The following MAP3K4 variants were observed in gnomAD, a reference collection of about 807,000 sequenced individuals.
MAP3K4 encodes the protein MAP three kinase 1.
Under a neutral mutation model 185.6 loss-of-function variants are expected in MAP3K4, and 67 were observed. The observed-to-expected ratio is 0.36, with a 90% CI of 0.30 to 0.44. The LOEUF is 0.44. Ranked by LOEUF, MAP3K4 falls within the 20% of genes least tolerant of loss-of-function variation. The pLI, the probability that MAP3K4 is intolerant of heterozygous loss-of-function variation, is 1.00. For missense variants in MAP3K4, 1,551 were observed against 1,995.1 expected (o/e 0.78, Z 4.24); for synonymous variants, 702 against 710.4 (o/e 0.99, Z 0.19).
rs1562553458 is a variant in MAP3K4, at chr6:161,117,141, C to CG, written c.*272dup. The CG allele has an allele frequency of 2.3e-6, 1 of 442,870 alleles. No individual in the cohort carries two copies. Among genetic ancestry groups the CG allele is most frequent in the Non-Finnish European group, 4.0e-6 (1 of 248,556 alleles). The allele number at this position is 442,870 out of a possible 1,614,324, so 27.4% of individuals were successfully genotyped here. ...CATCGCCTCTGTCTCCTCCGTGTCTCGCGCGACTGAGAACCGTGACATCAG... is the reference window on the plus strand; with the variant it reads ...CATCGCCTCTGTCTCCTCCGTGTCTCGGCGCGACTGAGAACCGTGACATCAG... On this transcript the variant is annotated 3_prime_UTR_variant, in exon 27 of 27. Coordinates refer to ENST00000392142, the MANE Select transcript of MAP3K4 (RefSeq NM_005922.4).
In MAP3K4 at chr6:161,070,506, A is replaced by C; in HGVS notation, c.1708-102A>C. 1 of 837,880 alleles carries C rather than the reference A, an allele frequency of 1.2e-6. No homozygotes were observed. Among genetic ancestry groups the C allele is most frequent in the Non-Finnish European group, 1.8e-6 (1 of 565,612 alleles). 51.9% of individuals were successfully genotyped at this position (837,880 alleles called of 1,614,324 possible). On this transcript the variant is annotated intron_variant, in intron 3 of 26. Coordinates refer to ENST00000392142, the MANE Select transcript of MAP3K4 (RefSeq NM_005922.4). The surrounding 1 kb of genome is among the most constrained non-coding windows in gnomAD (Gnocchi z 4.5). ...TTCCCTGTAAAATTAGAATTTTTGT[A>C]GATTTGTTAGCACATTGTAGAGAAT... is the stretch of plus-strand genomic sequence containing the variant.
chr6:161,116,892 G>T lies in MAP3K4; in HGVS notation c.*22G>T. On this transcript the variant is annotated 3_prime_UTR_variant, in exon 27 of 27. Transcript: ENST00000392142. The surrounding 1 kb of genome is among the most constrained non-coding windows in gnomAD (Gnocchi z 6.2). ...ATGAAGCCTAGTAGAATATGGACTT[G>T]GAAAATTCTCTTAATCACTACTGTA... 1.9e-6 allele frequency: 3 copies of T among 1,609,550 alleles called. No individual in the cohort carries two copies. The highest frequency in any genetic ancestry group is 2.6e-6 in the Non-Finnish European group (3 of 1,175,832).
chr6:160,992,817 ATT>A (rs555062555), intron 1 of MAP3K4, among the ~76,000 whole-genome samples: 7 of 149,288 alleles, frequency 4.7e-5, no homozygotes, highest in Admixed American at 2.7e-4. Flanking sequence ...TTATGTCTTT[ATT>A]TTTTTTTTAA....
At chr6:161,003,449 A>G (rs1357738936) in intron 1 of MAP3K4, among the ~76,000 whole-genome samples, 4 of 152,226 alleles carry the variant, frequency 2.6e-5, no homozygotes, top group Middle Eastern at 6.3e-3. Flanking sequence ...TAGCAGTCTC[A>G]TGAATTTATC....
At chr6:161,065,183 G>C (rs1784653101) in intron 3 of MAP3K4, among the ~76,000 whole-genome samples, 2 of 152,166 alleles carry the variant, frequency 1.3e-5, no homozygotes, top group African/African-American at 2.4e-5. Context: ...ACTGCACCCT[G>C]TGTCAAGGGT....
At position 161,017,698 on chromosome 6, in the gene MAP3K4, C is replaced by T. The variant is rs1408659547; in HGVS notation, c.153-16561C>T. Among the ~76,000 whole-genome samples, 1 of 152,108 alleles carries T rather than the reference C, an allele frequency of 6.6e-6. No individual in the cohort carries two copies. The highest frequency in any genetic ancestry group is 1.9e-4 in the East Asian group (1 of 5,200). On this transcript the variant is annotated intron_variant, in intron 1 of 26. Transcript: ENST00000392142. This position sits in a 1 kb window ranked among gnomAD's most constrained non-coding sequence, Gnocchi z 5.1. ...TTTTTGCCTTTTTATGTAAAGTAAA[C>T]ATAAACATATACATATTTTTGAACA...
intron 11 of MAP3K4, among the ~76,000 whole-genome samples, chr6:161,090,126 G>GT (rs1785954494): frequency 6.6e-6 from 1 of 152,152 alleles, no homozygotes; most frequent in Non-Finnish European, 1.5e-5. Flanking sequence ...AAGTCATTTC[G>GT]TAAACACTTG....
rs2114822737 is a variant in MAP3K4, at chr6:161,073,957, A to G, written c.2097+345A>G. Among the ~76,000 whole-genome samples the G allele has an allele frequency of 6.6e-6, 1 of 152,350 alleles. No individual in the cohort carries two copies. Among genetic ancestry groups the G allele is most frequent in the South Asian group, 2.1e-4 (1 of 4,832 alleles). On this transcript the variant is annotated intron_variant, in intron 5 of 26. Coordinates refer to ENST00000392142, the MANE Select transcript of MAP3K4 (RefSeq NM_005922.4). This position sits in a 1 kb window ranked among gnomAD's most constrained non-coding sequence, Gnocchi z 4.2. Reference sequence around the variant, plus strand: ...GTAGAATAGTTCATCTTATGGCAGAATGGCCCAGAAGTAGAATCAAAATAT... The same window carrying G: ...GTAGAATAGTTCATCTTATGGCAGAGTGGCCCAGAAGTAGAATCAAAATAT...
At chr6:161,027,253 A>G (rs192012578) in intron 1 of MAP3K4, among the ~76,000 whole-genome samples, 2 of 152,362 alleles carry the variant, frequency 1.3e-5, no homozygotes, top group East Asian at 3.9e-4. Context: ...TGAACTATAT[A>G]CTTAACAAGA....
chr6:161,048,827 T>A lies in MAP3K4; in HGVS notation c.555T>A (p.Asn185Lys). 6.2e-7 allele frequency: 1 copy of A among 1,614,206 alleles called. No individual in the cohort carries two copies. The highest frequency in any genetic ancestry group is 1.1e-5 in the South Asian group (1 of 91,092). The change falls in exon 3 of 27, where the codon AAT (asparagine) becomes AAA (lysine). Residue 185 changes from asparagine to lysine, a missense_variant. Asn to Lys is a moderately conservative substitution (Grantham distance 94). Transcript: ENST00000392142. This position sits in a 1 kb window ranked among gnomAD's most constrained non-coding sequence, Gnocchi z 4.7. ...AATCAATTCCAGATGTGGATCTCAA[T>A]AAGCCTTACCTCAGCCTTGGCTGTA... ...PKKSIPDVDL[N>K]KPYLSLGCSN...
In MAP3K4 at chr6:161,100,950, GAA is replaced by G. The variant is rs999320428; in HGVS notation, c.3675-936_3675-935del. 4.7e-4 allele frequency: 72 copies of G among 151,910 alleles called. 1 individual carries two copies. Among genetic ancestry groups the G allele is most frequent in the African/African-American group, 1.5e-3 (61 of 41,404 alleles). 9.4% of individuals were successfully genotyped at this position (151,910 alleles called of 1,614,324 possible). A position where few individuals can be genotyped will look rare whatever the true frequency, so the allele number is the denominator to read the frequency against. Reference sequence around the variant, plus strand: ...GATTTGAGGGCTTAGGGAAATACCAGAAAAAAATGCATATTTTATAATTTGTA... The same window carrying G: ...GATTTGAGGGCTTAGGGAAATACCAGAAAAATGCATATTTTATAATTTGTA... On this transcript the variant is annotated intron_variant, in intron 17 of 26. Coordinates refer to ENST00000392142, the MANE Select transcript of MAP3K4 (RefSeq NM_005922.4). The surrounding 1 kb of genome is among the most constrained non-coding windows in gnomAD (Gnocchi z 5.8).
At chr6:161,026,614 CTGTTTT>C (rs1440600416) in intron 1 of MAP3K4, among the ~76,000 whole-genome samples, 5 of 151,666 alleles carry the variant, frequency 3.3e-5, no homozygotes, top group African/African-American at 1.2e-4. Flanking sequence ...TCTTTGTCTT[CTGTTTT>C]TAAGTACTCA....
rs1785203042 is a variant in MAP3K4, at chr6:161,076,889, T to C, written c.2097+3277T>C. ...TAAACTCCCTCTTAGAGTTTAAGAA[T>C]AGGGGGGTCCATGGTGATTGTAGAA... On this transcript the variant is annotated intron_variant, in intron 5 of 26. Coordinates refer to ENST00000392142, the MANE Select transcript of MAP3K4 (RefSeq NM_005922.4). The surrounding 1 kb of genome is among the most constrained non-coding windows in gnomAD (Gnocchi z 4.2). 6.6e-6 allele frequency among the ~76,000 whole-genome samples: 1 copy of C among 152,088 alleles called. No individual in the cohort carries two copies. The highest frequency in any genetic ancestry group is 1.5e-5 in the Non-Finnish European group (1 of 68,014).
chr6:161,015,733 C>T (rs751741569), intron 1 of MAP3K4, among the ~76,000 whole-genome samples: 1 of 152,092 alleles, frequency 6.6e-6, no homozygotes, highest in Non-Finnish European at 1.5e-5. Context: ...TAACAACCAG[C>T]TCCTAGGGTA....
chr6:161,094,003 T>A (rs1290318071), intron 15 of MAP3K4, 152 bp downstream of exon 15: 1 of 591,088 alleles, frequency 1.7e-6, no homozygotes, highest in Non-Finnish European at 3.0e-6. Flanking sequence ...GGTGTGTAGA[T>A]AGAGAACTCC....
rs1367564348 is a variant in MAP3K4 at position 161,048,920 on chromosome 6, T to G, written c.648T>G (p.Thr216=). 1.2e-6 allele frequency: 2 copies of G among 1,614,168 alleles called. No individual in the cohort carries two copies. Among genetic ancestry groups the G allele is most frequent in the South Asian group, 2.2e-5 (2 of 91,082 alleles). Residue 216 remains threonine, a synonymous_variant, in exon 3 of 27, where the codon ACT becomes ACG. Transcript: ENST00000392142. The surrounding 1 kb of genome is among the most constrained non-coding windows in gnomAD (Gnocchi z 4.7). ...IARPARQTSR[T]DCPADRLKFF... ...GACCTGCACGCCAGACTTCTAGGAC[T>G]GACTGTCCAGCAGATCGTTTAAAGT...
In MAP3K4 at chr6:161,049,364, A is replaced by G; in HGVS notation, c.1092A>G (p.Ile364Met). The G allele has an allele frequency of 6.2e-7, 1 of 1,614,224 alleles. No homozygotes were observed. The highest frequency in any genetic ancestry group is 8.5e-7 in the Non-Finnish European group (1 of 1,180,040). The stretch of plus-strand genomic sequence containing the variant: ...GGATAATGGAGCTGCTAGAGTACAT[A>G]GAAGCACTTTATCCATCATTGCAGG... ...VKRIMELLEY[I>M]EALYPSLQAL... The change falls in exon 3 of 27, where the codon ATA becomes ATG. Residue 364 changes from isoleucine to methionine, a missense_variant. Physicochemically the swap from Ile to Met is conservative, Grantham distance 10. Transcript: ENST00000392142. This position sits in a 1 kb window ranked among gnomAD's most constrained non-coding sequence, Gnocchi z 8.4.
intron 3 of MAP3K4, among the ~76,000 whole-genome samples, chr6:161,060,618 C>CTTTTTTTTTTTTTTTTTTTTT: frequency 7.9e-6 from 1 of 126,414 alleles, no homozygotes; most frequent in Non-Finnish European, 1.7e-5. Flanking sequence ...TTTTCTTTTT[C>CTTTTTTTTTTTTTTTTTTTTT]TTTTTTTTTT....
rs766121489 is a variant in MAP3K4, at chr6:161,034,486, G to T, written c.343+37G>T. 3.2e-5 allele frequency: 48 copies of T among 1,493,400 alleles called. No individual in the cohort carries two copies. In the South Asian group the frequency reaches 5.6e-4, roughly 17 times the overall value. 92.5% of individuals were successfully genotyped at this position (1,493,400 alleles called of 1,614,324 possible). On this transcript the variant is annotated intron_variant, in intron 2 of 26. Coordinates refer to ENST00000392142, the MANE Select transcript of MAP3K4 (RefSeq NM_005922.4). This position sits in a 1 kb window ranked among gnomAD's most constrained non-coding sequence, Gnocchi z 4.4. ...ACTTGAAAAGAGGTGTACATGAGAG[G>T]GTATGGCACTTGATTGATTCTTTCA...
Sources: gnomAD v4.1 joint callset for allele counts (sites outside exome capture counted in the v4.1 genomes callset) on GRCh38, gnomAD v4.1.1 for gene constraint, Gnocchi (gnomAD v3.1) non-coding constraint, MANE v1.5 for transcripts, NCBI Gene and HGNC (gene_info 2026-07-23, HGNC 2026-07-21) for gene names.